AUTS2: variants seen among roughly 807,000 people sequenced by gnomAD.
AUTS2 encodes the protein autism susceptibility gene 2 protein.
AUTS2 carries 17 observed loss-of-function variants against 112.4 expected under a neutral mutation model. The ratio of observed to expected loss-of-function variants is 0.15; its 90% CI spans 0.10 to 0.23. The LOEUF is 0.23. Ranked by LOEUF, AUTS2 falls within the 10% of genes least tolerant of loss-of-function variation. AUTS2 has a pLI of 1.00. For synonymous variants in AUTS2, 751 were observed against 702.7 expected, an observed-to-expected ratio of 1.07 and a Z score of -1.09; for missense variants, 1,510 against 1,701.6, an observed-to-expected ratio of 0.89 and a Z score of 1.98.
chr7:70,088,605 G>T lies in AUTS2; in HGVS notation c.523-29527G>T, dbSNP rs1413513473. Among the ~76,000 whole-genome samples, 3 of 146,096 alleles carry T rather than the reference G, an allele frequency of 2.1e-5. No homozygotes were observed. In the East Asian group the frequency reaches 6.1e-4, roughly 30 times the overall value. ...ACCCACCTTGTTTGTTTGTTTGTTT[G>T]TTTGTTTTGTTTTGTTTTGTTTTAA... is the stretch of plus-strand genomic sequence containing the variant. On this transcript the variant is annotated intron_variant, in intron 2 of 18. Coordinates refer to ENST00000342771, the MANE Select transcript of AUTS2 (RefSeq NM_015570.4).
At chr7:70,147,662 G>A (rs1188578724) in intron 4 of AUTS2, among the ~76,000 whole-genome samples, 2 of 152,046 alleles carry the variant, frequency 1.3e-5, no homozygotes, top group East Asian at 1.9e-4. Context: ...ATTTACACGG[G>A]TGTACCAAGA....
intron 4 of AUTS2, among the ~76,000 whole-genome samples, chr7:70,276,054 C>A (rs1562842200): frequency 6.6e-6 from 1 of 152,160 alleles, no homozygotes; most frequent in Non-Finnish European, 1.5e-5. Flanking sequence ...TTTGGACATT[C>A]CTCTGTTTCA....
intron 2 of AUTS2, among the ~76,000 whole-genome samples, chr7:70,021,526 C>T (rs1301038256): frequency 1.3e-5 from 2 of 152,084 alleles, no homozygotes; most frequent in Non-Finnish European, 2.9e-5. Flanking sequence ...TAAAACTTTG[C>T]TCTATGTGTT....
At chr7:70,077,422 ATATATGTATCTGTACC>A in intron 2 of AUTS2, among the ~76,000 whole-genome samples, 1 of 152,324 alleles carries the variant, frequency 6.6e-6, no homozygotes, top group Non-Finnish European at 1.5e-5. Context: ...ACAGTGTTCC[ATATATGTATCTGTACC>A]TGTCATCTTT....
Position 70,787,420 on chromosome 7 carries a change from T to A in AUTS2, c.2520T>A (p.Asp840Glu). 1.9e-6 allele frequency: 3 copies of A among 1,611,506 alleles called. No homozygotes were observed. The South Asian group carries it at 3.3e-5, about 18-fold the overall frequency. ...AACGAGACTCATCTGTTAGTAAAGA[T>A]GACAAAGAAAGGTACGGAAAGAAAC... ...VDKRDSSVSK[D>E]DKERESVEKR... Residue 840 changes from aspartate to glutamate, a missense_variant, in exon 18 of 19, where the codon GAT becomes GAA. Transcript: ENST00000342771.
intron 6 of AUTS2, among the ~76,000 whole-genome samples, chr7:70,720,286 C>T (rs1810593752): frequency 6.6e-6 from 1 of 151,886 alleles, no homozygotes; most frequent in Non-Finnish European, 1.5e-5. Flanking sequence ...TCACAAGCCT[C>T]AAGAGTTTAA....
chr7:69,670,956 C>T (rs550208145), intron 1 of AUTS2, among the ~76,000 whole-genome samples: 33 of 152,276 alleles, frequency 2.2e-4, no homozygotes, highest in African/African-American at 7.7e-4. Flanking sequence ...ATAGAAAAAC[C>T]TGTTGGCCCA....
chr7:69,782,677 C>T (rs1192570677), intron 1 of AUTS2, among the ~76,000 whole-genome samples: 1 of 151,584 alleles, frequency 6.6e-6, no homozygotes, highest in Admixed American at 6.6e-5. Flanking sequence ...GGAAATCTAC[C>T]ATTAAAAAAA....
At chr7:69,834,612 C>A (rs1480558609) in intron 1 of AUTS2, among the ~76,000 whole-genome samples, 1 of 152,170 alleles carries the variant, frequency 6.6e-6, no homozygotes, top group Non-Finnish European at 1.5e-5. Context: ...GTTTCTCTGC[C>A]ACCACTGCAG....
chr7:70,262,780 C>T (rs1220459350), intron 4 of AUTS2, among the ~76,000 whole-genome samples: 1 of 152,008 alleles, frequency 6.6e-6, no homozygotes, highest in Non-Finnish European at 1.5e-5. Context: ...ATGATGATTC[C>T]AAACAGGCTT....
chr7:70,054,916 C>CAAG (rs1270703020), intron 2 of AUTS2, among the ~76,000 whole-genome samples: 5 of 152,262 alleles, frequency 3.3e-5, no homozygotes, highest in African/African-American at 1.2e-4. Flanking sequence ...CTTCCCTTCT[C>CAAG]CTCCTCCTTA....
intron 1 of AUTS2, among the ~76,000 whole-genome samples, chr7:69,721,571 T>G (rs1359446809): frequency 3.3e-5 from 5 of 152,224 alleles, no homozygotes; most frequent in African/African-American, 1.2e-4. Flanking sequence ...TTAGGGTATC[T>G]CTTGCCTATC....
At position 70,078,258 on chromosome 7, in the gene AUTS2, A is replaced by C. The variant is rs572483025; in HGVS notation, c.523-39874A>C. Among the ~76,000 whole-genome samples the C allele has an allele frequency of 2.0e-5, 3 of 152,224 alleles. No individual in the cohort carries two copies. The East Asian group carries it at 5.8e-4, about 29-fold the overall frequency. ...TAATATGATAACCAAGACAGCTACT[A>C]AGTGACTAACAGGCAGGTAGCATAT... On this transcript the variant is annotated intron_variant, in intron 2 of 18. Coordinates refer to ENST00000342771, the MANE Select transcript of AUTS2 (RefSeq NM_015570.4).
At chr7:70,399,386 C>CTT (rs150509286) in intron 4 of AUTS2, among the ~76,000 whole-genome samples, 1 of 150,916 alleles carries the variant, frequency 6.6e-6, no homozygotes, top group Non-Finnish European at 1.5e-5. Flanking sequence ...TTGCTAAGGT[C>CTT]TTTTTTTTTG....
chr7:70,686,844 CT>C (rs796877568), intron 5 of AUTS2, among the ~76,000 whole-genome samples: 12 of 152,302 alleles, frequency 7.9e-5, no homozygotes, highest in African/African-American at 2.9e-4. Context: ...CCGAAAGCAT[CT>C]TTTCATTCAT....
intron 2 of AUTS2, among the ~76,000 whole-genome samples, chr7:70,043,127 C>T (rs1801318106): frequency 6.6e-6 from 1 of 151,920 alleles, no homozygotes; most frequent in Non-Finnish European, 1.5e-5. Flanking sequence ...CCTTTCCTGA[C>T]TATTCCCAAG....
At chr7:70,747,922 C>T (rs1385471259) in intron 6 of AUTS2, among the ~76,000 whole-genome samples, 1 of 151,480 alleles carries the variant, frequency 6.6e-6, no homozygotes, top group Non-Finnish European at 1.5e-5. Context: ...TCTGGGTTCA[C>T]GCCATTGTCC....
intron 1 of AUTS2, 50 bp downstream of exon 1, chr7:69,600,012 C>G (rs764765586): frequency 2.5e-6 from 4 of 1,579,800 alleles, no homozygotes; most frequent in Non-Finnish European, 3.5e-6. Flanking sequence ...CGACCCCACT[C>G]GGCTGCGCCC....
chr7:69,919,350 A>G (rs1274615150), intron 2 of AUTS2, among the ~76,000 whole-genome samples: 1 of 152,190 alleles, frequency 6.6e-6, no homozygotes, highest in Non-Finnish European at 1.5e-5. Flanking sequence ...CAATAAGATC[A>G]TTTCTCCTAG....
Sources: gnomAD v4.1 joint callset for allele counts (sites outside exome capture counted in the v4.1 genomes callset) on GRCh38, gnomAD v4.1.1 for gene constraint, MANE v1.5 for transcripts, NCBI Gene and HGNC (gene_info 2026-07-23, HGNC 2026-07-21) for gene names.